Variants in PUS7L observed in about 807,000 individuals in gnomAD.
PUS7L encodes the protein pseudouridine synthase 7 like, also known as pseudouridylate synthase PUS7L.
In PUS7L, 49 loss-of-function variants were observed where a neutral mutation model predicts 51.1. That is an observed-to-expected ratio of 0.96 (90% CI 0.76 to 1.22). The LOEUF (loss-of-function observed/expected upper bound fraction) is 1.22. Among genes scored for constraint, PUS7L ranks in the 50% most tolerant of loss-of-function variants. The pLI is 0.00. For synonymous variants in PUS7L, 277 were observed against 276.2 expected, an observed-to-expected ratio of 1.00 and a Z score of -0.03; for missense variants, 828 against 820.6, an observed-to-expected ratio of 1.01 and a Z score of -0.11.
At chr12:43,755,313 T>C in intron 1 of PUS7L, 52 bp from the exon 2 acceptor site, 1 of 1,122,242 alleles carries the variant, frequency 8.9e-7, no homozygotes, top group Non-Finnish European at 1.3e-6. Flanking sequence ...AAGTTATGGA[T>C]GACCAAATAG....
At position 43,754,632 on chromosome 12, in the gene PUS7L, T is replaced by A. The variant is rs759273106; in HGVS notation, c.614A>T (p.Glu205Val). 2 of 1,613,680 alleles carry A rather than the reference T, an allele frequency of 1.2e-6. No homozygotes were observed. The highest frequency in any genetic ancestry group is 1.7e-6 in the Non-Finnish European group (2 of 1,179,800). ...IVVKPNLEYKELCHLVSEEEA... is the reference protein window; with the variant it reads ...IVVKPNLEYKVLCHLVSEEEA... ...CTCTTCAGATACCAAATGACAAAGT[T>A]CTTTATATTCAAGATTTGGTTTTAC... The change falls in exon 2 of 9, where the codon GAA becomes GTA. Residue 205 changes from glutamate (E) to valine (V), a missense_variant. Glu to Val is a moderately radical substitution (Grantham distance 121, BLOSUM62 -2). Transcript: ENST00000344862.
Position 43,730,206 on chromosome 12 carries a change from T to TA in PUS7L, c.*169dup. On this transcript the variant is annotated 3_prime_UTR_variant, in exon 9 of 9. Transcript: ENST00000344862. ...GACCTTAAATTTGGACCCTGACACT[T>TA]ACATATCCTCTATAAAATTACAGTA... 1 of 600,384 alleles carries TA rather than the reference T, an allele frequency of 1.7e-6. No individual in the cohort carries two copies. Among genetic ancestry groups the TA allele is most frequent in the Non-Finnish European group, 2.9e-6 (1 of 342,914 alleles). 37.2% of individuals were successfully genotyped at this position (600,384 alleles called of 1,614,324 possible). A position where few individuals can be genotyped will look rare whatever the true frequency, so the allele number is the denominator to read the frequency against.
intron 2 of PUS7L, among the ~76,000 whole-genome samples, chr12:43,751,196 T>TTATATATATATATATATATATA (rs199754116): frequency 6.7e-6 from 1 of 149,968 alleles, no homozygotes; most frequent in East Asian, 1.9e-4. Context: ...TATTTTTAAT[T>TTATATATATATATATATATATA]TATATATATA....
chr12:43,738,399 A>C lies in PUS7L; in HGVS notation c.1363-8T>G. The stretch of plus-strand genomic sequence containing the variant: ...CAATTTTATGGCTTTCATCTTAAAA[A>C]ATCAAGCAGGTAAACATGTGTTAAT... On this transcript the variant is annotated splice_polypyrimidine_tract_variant and splice_region_variant and intron_variant, in intron 5 of 8. Coordinates refer to ENST00000344862, the MANE Select transcript of PUS7L (RefSeq NM_031292.5). 6.7e-7 allele frequency: 1 copy of C among 1,490,080 alleles called. No homozygotes were observed. The allele number at this position is 1,490,080 out of a possible 1,614,324, so 92.3% of individuals were successfully genotyped here.
In PUS7L at chr12:43,722,499, T is replaced by C. The variant is rs892844194; in HGVS notation, c.*7877A>G. On this transcript the variant is annotated 3_prime_UTR_variant, in exon 9 of 9. Coordinates refer to ENST00000344862, the MANE Select transcript of PUS7L (RefSeq NM_031292.5). ...GAATAACTGCTTCCCAGATTTGCTA[T>C]TGCCTCCTAAATGTGAAAATTATAT... 6.6e-6 allele frequency: 1 copy of C among 152,138 alleles called. No homozygotes were observed. The highest frequency in any genetic ancestry group is 1.5e-5 in the Non-Finnish European group (1 of 67,976). 9.4% of individuals were successfully genotyped at this position (152,138 alleles called of 1,614,324 possible).
chr12:43,754,981 G>A lies in PUS7L; in HGVS notation c.265C>T (p.His89Tyr), dbSNP rs1248351813. ...SLEDGRNQEV[H>Y]TLIKYTDGDQ... Reference sequence around the variant, plus strand: ...CCATCAGTGTACTTAATCAAAGTATGAACTTCTTGGTTTCTTCCATCTTCT... The same window carrying A: ...CCATCAGTGTACTTAATCAAAGTATAAACTTCTTGGTTTCTTCCATCTTCT... Residue 89 changes from histidine (H) to tyrosine (Y), a missense_variant, in exon 2 of 9, where the codon CAT becomes TAT. By Grantham distance (83) the His-to-Tyr change is moderately conservative. Coordinates refer to ENST00000344862, the MANE Select transcript of PUS7L (RefSeq NM_031292.5). 12 of 1,613,348 alleles carry A rather than the reference G, an allele frequency of 7.4e-6. No homozygotes were observed. Among genetic ancestry groups the A allele is most frequent in the Non-Finnish European group, 8.5e-6 (10 of 1,179,716 alleles).
intron 1 of PUS7L, among the ~76,000 whole-genome samples, chr12:43,757,272 G>T (rs1938788713): frequency 6.6e-6 from 1 of 152,190 alleles, no homozygotes; most frequent in African/African-American, 2.4e-5. Flanking sequence ...CCGAGTTCGA[G>T]CGATTCTCCT....
At position 43,722,082 on chromosome 12, in the gene PUS7L, T is replaced by C. The variant is rs1156405496; in HGVS notation, c.*8294A>G. 2.6e-5 allele frequency: 4 copies of C among 152,140 alleles called. No homozygotes were observed. Among genetic ancestry groups the C allele is most frequent in the African/African-American group, 9.7e-5 (4 of 41,432 alleles). The allele number at this position is 152,140 out of a possible 1,614,324, so 9.4% of individuals were successfully genotyped here. A position where few individuals can be genotyped will look rare whatever the true frequency, so the allele number is the denominator to read the frequency against. On this transcript the variant is annotated 3_prime_UTR_variant, in exon 9 of 9. Coordinates refer to ENST00000344862, the MANE Select transcript of PUS7L (RefSeq NM_031292.5). Reference sequence around the variant, plus strand: ...AAATATTCCAAAATCCAAACATATCTGAAATCTGAAACTTTTAGTCCCAAA... The same window carrying C: ...AAATATTCCAAAATCCAAACATATCCGAAATCTGAAACTTTTAGTCCCAAA...
intron 2 of PUS7L, among the ~76,000 whole-genome samples, chr12:43,752,049 G>GT (rs1938478283): frequency 6.6e-6 from 1 of 152,128 alleles, no homozygotes; most frequent in African/African-American, 2.4e-5. Flanking sequence ...TGATGGGGTT[G>GT]TTTTTTTCTT....
chr12:43,749,346 G>A (rs7954870), intron 2 of PUS7L, among the ~76,000 whole-genome samples: 28,030 of 152,106 alleles, frequency 0.18, 3,703 homozygotes, highest in African/African-American at 0.38. Context: ...TCAGAATACC[G>A]AAGACATGGA....
At chr12:43,746,818 C>A (rs962239418) in intron 3 of PUS7L, among the ~76,000 whole-genome samples, 1 of 152,128 alleles carries the variant, frequency 6.6e-6, no homozygotes, top group Non-Finnish European at 1.5e-5. Flanking sequence ...GAGTTTACTG[C>A]CCGCAAATGT....
chr12:43,730,768 A>G (rs933718254), intron 8 of PUS7L, 66 bp from the exon 9 acceptor site: 7 of 1,042,840 alleles, frequency 6.7e-6, no homozygotes, highest in Middle Eastern at 2.1e-4. Flanking sequence ...CATATTTTTA[A>G]TGTACTTTTA....
At chr12:43,736,275 A>G (rs1158053643) in intron 7 of PUS7L, 106 bp downstream of exon 7, 1 of 953,378 alleles carries the variant, frequency 1.0e-6, no homozygotes, top group East Asian at 2.5e-5. Flanking sequence ...AAATAGATAA[A>G]TAAATTACAT....
chr12:43,742,393 G>T, intron 5 of PUS7L, 64 bp downstream of exon 5: 1 of 1,110,580 alleles, frequency 9.0e-7, no homozygotes, highest in Non-Finnish European at 1.3e-6. Flanking sequence ...AAAGCAAGGA[G>T]CTGGGTTATG....
intron 1 of PUS7L, among the ~76,000 whole-genome samples, chr12:43,756,061 A>G: frequency 6.6e-6 from 1 of 152,182 alleles, no homozygotes; most frequent in East Asian, 1.9e-4. Context: ...TGTTTCCCCC[A>G]CATTCTCCAA....
intron 4 of PUS7L, among the ~76,000 whole-genome samples, chr12:43,744,182 A>C (rs186096111): frequency 2.6e-4 from 40 of 152,342 alleles, no homozygotes; most frequent in African/African-American, 8.9e-4. Context: ...TGAGGAAAAA[A>C]AAGTAGAATT....
rs1944459863 is a variant in PUS7L at position 43,726,741 on chromosome 12, T to C, written c.*3635A>G. ...TACTTGAGAGGCTGGGGCAGGAGAA[T>C]GGCTTGAACCCAGGAGGAGGAGGTT... On this transcript the variant is annotated 3_prime_UTR_variant, in exon 9 of 9. Coordinates refer to ENST00000344862, the MANE Select transcript of PUS7L (RefSeq NM_031292.5). The C allele has an allele frequency of 1.3e-5, 2 of 151,598 alleles. No individual in the cohort carries two copies. Among genetic ancestry groups the C allele is most frequent in the South Asian group, 2.1e-4 (1 of 4,818 alleles). 9.4% of individuals were successfully genotyped at this position (151,598 alleles called of 1,614,324 possible).
At chr12:43,740,358 G>A (rs755557665) in intron 5 of PUS7L, among the ~76,000 whole-genome samples, 2 of 152,004 alleles carry the variant, frequency 1.3e-5, no homozygotes, top group Non-Finnish European at 2.9e-5. Context: ...TACTGCATAG[G>A]GTATTAGGGA....
Position 43,725,138 on chromosome 12 carries a change from C to T in PUS7L, c.*5238G>A, listed in dbSNP as rs562877244. ...GGACTGAAAGTATATTGAAAAAGAA[C>T]AAGTTTCTCACTATGCTTTTTCAAT... On this transcript the variant is annotated 3_prime_UTR_variant, in exon 9 of 9. Transcript: ENST00000344862. The T allele has an allele frequency of 6.6e-6, 1 of 152,118 alleles. No homozygotes were observed. The highest frequency in any genetic ancestry group is 1.5e-5 in the Non-Finnish European group (1 of 67,998). 9.4% of individuals were successfully genotyped at this position (152,118 alleles called of 1,614,324 possible).
Sources: allele counts gnomAD v4.1 joint callset (sites outside exome capture counted in the v4.1 genomes callset), GRCh38; gene constraint gnomAD v4.1.1; transcripts MANE v1.5; gene names NCBI Gene and HGNC (gene_info 2026-07-23, HGNC 2026-07-21).